TLN2: variants seen among roughly 807,000 people sequenced by gnomAD.
TLN2 encodes talin 2, also known as talin-2.
TLN2 carries 118 observed loss-of-function variants against 294.7 expected under a neutral mutation model. The ratio of observed to expected loss-of-function variants is 0.40; its 90% confidence interval spans 0.34 to 0.47. The LOEUF is 0.47. Ranked by LOEUF, TLN2 falls within the 20% of genes least tolerant of loss-of-function variation. The probability of loss-of-function intolerance (pLI) is 0.84; values close to 1 mark genes in which losing one functional copy is unlikely to be tolerated. For synonymous variants in TLN2, 1,431 were observed against 1,304.5 expected (o/e 1.10, Z -2.09); for missense variants, 3,083 against 3,282.2 (o/e 0.94, Z 1.48).
chr15:62,547,550 T>C (rs1330411767), intron 1 of TLN2, among the ~76,000 whole-genome samples: 1 of 152,190 alleles, frequency 6.6e-6, no homozygotes, highest in Non-Finnish European at 1.5e-5. Context: ...TCCGAAGGTA[T>C]CTGGAGCTAC....
chr15:62,779,406 C>T (rs1231103152), intron 43 of TLN2, among the ~76,000 whole-genome samples: 2 of 152,198 alleles, frequency 1.3e-5, no homozygotes, highest in African/African-American at 2.4e-5. Flanking sequence ...GTGCCATCTA[C>T]ATCACGGCTG....
rs2033970515 is a variant in TLN2, at chr15:62,414,519, A to G, written c.-238+23834A>G. Among the ~76,000 whole-genome samples, 2 of 140,132 alleles carry G rather than the reference A, an allele frequency of 1.4e-5. 1 individual carries two copies. The highest frequency in any genetic ancestry group is 1.6e-4 in the Admixed American group (2 of 12,768). The allele number at this position is 140,132 out of a possible 152,430, so 91.9% of individuals were successfully genotyped here. Reference sequence around the variant, plus strand: ...AATTCTCCAACCTCACCCCCAAACTACTGAACCATACGCTCTGGGCTGGGG... The same window carrying G: ...AATTCTCCAACCTCACCCCCAAACTGCTGAACCATACGCTCTGGGCTGGGG... On this transcript the variant is annotated intron_variant, in intron 1 of 58. Transcript: ENST00000636159.
At chr15:62,652,157 T>C in intron 6 of TLN2, 23 bp downstream of exon 6, 1 of 1,494,930 alleles carries the variant, frequency 6.7e-7, no homozygotes, top group Non-Finnish European at 8.9e-7. Flanking sequence ...ACACCTTCAT[T>C]ATGTCTTTTT....
chr15:62,756,553 G>T (rs1359852567), intron 37 of TLN2, among the ~76,000 whole-genome samples: 1 of 152,148 alleles, frequency 6.6e-6, no homozygotes, highest in Non-Finnish European at 1.5e-5. Flanking sequence ...TACCAGTTCT[G>T]TGTTAAACCC....
chr15:62,798,862 T>C, intron 48 of TLN2, among the ~76,000 whole-genome samples: 1 of 152,258 alleles, frequency 6.6e-6, no homozygotes, highest in African/African-American at 2.4e-5. Context: ...AACATCAGAG[T>C]CCAGATTGGC....
intron 43 of TLN2, among the ~76,000 whole-genome samples, chr15:62,780,768 C>T (rs926771444): frequency 1.3e-5 from 2 of 152,236 alleles, no homozygotes; most frequent in African/African-American, 4.8e-5. Flanking sequence ...GCACTTTGCG[C>T]TTCCCTAGAA....
At chr15:62,397,210 C>G (rs890171863) in intron 1 of TLN2, among the ~76,000 whole-genome samples, 2 of 152,160 alleles carry the variant, frequency 1.3e-5, no homozygotes, top group African/African-American at 4.8e-5. Flanking sequence ...TTGCCAGTTG[C>G]AGCTAAAGCC....
chr15:62,659,648 CT>C (rs893687370), intron 9 of TLN2, among the ~76,000 whole-genome samples: 4 of 152,152 alleles, frequency 2.6e-5, no homozygotes, highest in African/African-American at 9.7e-5. Flanking sequence ...GAGTTTGTTT[CT>C]TTTTTTGTAA....
chr15:62,396,244 A>G (rs2032535434), intron 1 of TLN2, among the ~76,000 whole-genome samples: 1 of 152,198 alleles, frequency 6.6e-6, no homozygotes, highest in Non-Finnish European at 1.5e-5. Context: ...AGGGAGAGGT[A>G]ATTAACTTTC....
chr15:62,408,138 T>C (rs1316966494), intron 1 of TLN2, among the ~76,000 whole-genome samples: 2 of 152,014 alleles, frequency 1.3e-5, no homozygotes, highest in African/African-American at 4.8e-5. Context: ...CTTTCTGTGC[T>C]ACACAGATGT....
chr15:62,643,875 A>C (rs1169203239), intron 3 of TLN2, among the ~76,000 whole-genome samples: 1 of 152,092 alleles, frequency 6.6e-6, no homozygotes, highest in African/African-American at 2.4e-5. Context: ...AATAGAGATT[A>C]TGTATGGTGA....
rs191764028 is a variant in TLN2 at position 62,724,210 on chromosome 15, C to T, written c.3127-766C>T. ...AGACTGTCATTGACTAATTTGGTGA[C>T]CTAGACAAGTTAGTTAACCTCTCTG... On this transcript the variant is annotated intron_variant, in intron 26 of 58. Transcript: ENST00000636159. 2.0e-5 allele frequency among the ~76,000 whole-genome samples: 3 copies of T among 152,192 alleles called. No homozygotes were observed. In the East Asian group the frequency reaches 5.8e-4, roughly 30 times the overall value.
At chr15:62,621,862 G>A (rs1173503865) in intron 3 of TLN2, among the ~76,000 whole-genome samples, 1 of 152,184 alleles carries the variant, frequency 6.6e-6, no homozygotes, top group Non-Finnish European at 1.5e-5. Context: ...TCACAGAATT[G>A]CTAGCTAATT....
chr15:62,773,189 A>C (rs764385337), intron 42 of TLN2, among the ~76,000 whole-genome samples: 2 of 148,984 alleles, frequency 1.3e-5, no homozygotes, highest in African/African-American at 4.9e-5. Flanking sequence ...GGCCTCAAGC[A>C]GTCCTCCCCC....
intron 10 of TLN2, 113 bp from the exon 11 acceptor site, chr15:62,675,104 C>G: frequency 1.1e-6 from 1 of 949,776 alleles, no homozygotes; most frequent in Non-Finnish European, 1.6e-6. Flanking sequence ...ACAACCATCA[C>G]TTAATGATCA....
intron 14 of TLN2, 64 bp from the exon 15 acceptor site, chr15:62,697,624 G>A: frequency 6.6e-7 from 1 of 1,513,584 alleles, no homozygotes; most frequent in South Asian, 1.3e-5. Flanking sequence ...ACATCTGTGG[G>A]GTCTCCTCAT....
At chr15:62,515,827 A>G (rs1439715226) in intron 1 of TLN2, among the ~76,000 whole-genome samples, 1 of 152,206 alleles carries the variant, frequency 6.6e-6, no homozygotes, top group Non-Finnish European at 1.5e-5. Context: ...CCAGCAGAAC[A>G]TACTTGCCAT....
chr15:62,528,224 A>G (rs2040844135), intron 1 of TLN2, among the ~76,000 whole-genome samples: 1 of 152,246 alleles, frequency 6.6e-6, no homozygotes, highest in African/African-American at 2.4e-5. Flanking sequence ...ATGTCAAAAC[A>G]TATGTAATCA....
chr15:62,767,631 G>A (rs145804714), intron 41 of TLN2, among the ~76,000 whole-genome samples: 1,704 of 152,276 alleles, frequency 0.011, 12 homozygotes, highest in Middle Eastern at 0.027. Context: ...GAGCCACTGC[G>A]CCCGGCTGGC....
Sources: gnomAD v4.1 joint callset for allele counts (sites outside exome capture counted in the v4.1 genomes callset) on GRCh38, gnomAD v4.1.1 for gene constraint, MANE v1.5 for transcripts, NCBI Gene and HGNC (gene_info 2026-07-23, HGNC 2026-07-21) for gene names.